GRHL1: variants seen among roughly 807,000 people sequenced by gnomAD.
GRHL1 encodes the protein grainyhead like transcription factor 1.
Under a neutral mutation model 75.7 loss-of-function variants are expected in GRHL1, and 38 were observed. The ratio of observed to expected loss-of-function variants is 0.50; its 90% CI spans 0.39 to 0.66. The LOEUF (loss-of-function observed/expected upper bound fraction) is 0.66, where lower values mean the gene tolerates loss of function less well. Among genes scored for constraint, GRHL1 ranks in the 30% least tolerant of loss-of-function variants. The pLI, the probability that GRHL1 is intolerant of heterozygous loss-of-function variation, is 0.00. For missense variants in GRHL1, 589 were observed against 767.5 expected (o/e 0.77, Z 2.75); for synonymous variants, 266 against 279.4 (o/e 0.95, Z 0.48).
rs1667462075 is a variant in GRHL1 at position 9,965,667 on chromosome 2, C to G, written c.1110+286C>G. 3 of 404,910 alleles carry G rather than the reference C, an allele frequency of 7.4e-6. No individual in the cohort carries two copies. In the East Asian group the frequency reaches 1.2e-4, roughly 17 times the overall value. 25.1% of individuals were successfully genotyped at this position (404,910 alleles called of 1,614,324 possible). A position where few individuals can be genotyped will look rare whatever the true frequency, so the allele number is the denominator to read the frequency against. ...ACTCCTCATTTGCTTTGCCTCATTT[C>G]CTCATTTGCACAGTGGAGGTGATAT... On this transcript the variant is annotated intron_variant, in intron 8 of 15. Transcript: ENST00000324907.
At chr2:9,979,204 A>G (rs1180094708) in intron 8 of GRHL1, among the ~76,000 whole-genome samples, 1 of 146,014 alleles carries the variant, frequency 6.8e-6, no homozygotes, top group East Asian at 2.0e-4. Flanking sequence ...GTTGCTTCAT[A>G]TTAGTCTTAA....
rs1227015836 is a variant in GRHL1 at position 9,979,151 on chromosome 2, C to CAAAAAAAAAAAAAAAAAAAAAAAAAA, written c.1111-6957_1111-6956insAAAAAAAAAAAAAAAAAAAAAAAAAA. 1.3e-3 allele frequency among the ~76,000 whole-genome samples: 79 copies of CAAAAAAAAAAAAAAAAAAAAAAAAAA among 60,330 alleles called. 2 individuals are homozygous for CAAAAAAAAAAAAAAAAAAAAAAAAAA. Among genetic ancestry groups the CAAAAAAAAAAAAAAAAAAAAAAAAAA allele is most frequent in the Admixed American group, 1.4e-3 (6 of 4,160 alleles). The allele number at this position is 60,330 out of a possible 152,430, so 39.6% of individuals were successfully genotyped here. ...TTCCAGCCTGGGCAAGACTCTCTCTCAAAAAAAAAAAAAAAAGGAAACCTT... is the reference window on the plus strand; with the variant it reads ...TTCCAGCCTGGGCAAGACTCTCTCTCAAAAAAAAAAAAAAAAAAAAAAAAAAAAAAAAAAAAAAAAAAGGAAACCTT... On this transcript the variant is annotated intron_variant, in intron 8 of 15. Transcript: ENST00000324907.
At position 10,001,893 on chromosome 2, in the gene GRHL1, A is replaced by C. The variant is rs894195618; in HGVS notation, c.*1186A>C. 2 of 152,616 alleles carry C rather than the reference A, an allele frequency of 1.3e-5. No individual in the cohort carries two copies. The highest frequency in any genetic ancestry group is 4.8e-5 in the African/African-American group (2 of 41,458). The allele number at this position is 152,616 out of a possible 1,614,324, so 9.5% of individuals were successfully genotyped here. A position where few individuals can be genotyped will look rare whatever the true frequency, so the allele number is the denominator to read the frequency against. ...CACGCATCAGAGCCTTCGTGCTTTGATTATCTTGTATGTTAACAATTCTAG... is the reference window on the plus strand; with the variant it reads ...CACGCATCAGAGCCTTCGTGCTTTGCTTATCTTGTATGTTAACAATTCTAG... On this transcript the variant is annotated 3_prime_UTR_variant, in exon 16 of 16. Transcript: ENST00000324907.
chr2:9,965,592 T>C (rs1667459678), intron 8 of GRHL1: 2 of 534,560 alleles, frequency 3.7e-6, no homozygotes, highest in South Asian at 2.8e-5. Flanking sequence ...GTGTGAAACA[T>C]TGAGATTAAG....
chr2:9,960,886 C>G (rs1667241091), intron 3 of GRHL1, 160 bp from the exon 4 acceptor site: 2 of 557,460 alleles, frequency 3.6e-6, no homozygotes, highest in South Asian at 3.0e-5. Flanking sequence ...AACCAGAAAG[C>G]CTTTTTCCCT....
Position 9,990,684 on chromosome 2 carries a change from C to T in GRHL1, c.1270-12C>T, listed in dbSNP as rs559756126. On this transcript the variant is annotated splice_polypyrimidine_tract_variant and intron_variant, in intron 9 of 15. Coordinates refer to ENST00000324907, the MANE Select transcript of GRHL1 (RefSeq NM_198182.3). This position sits in a 1 kb window ranked among gnomAD's most constrained non-coding sequence, Gnocchi z 4.2. Reference sequence around the variant, plus strand: ...AAAACAGAATCATATCTTGTCTTCTCTTAACCTACAGGGAGCTGAGCGGAA... The same window carrying T: ...AAAACAGAATCATATCTTGTCTTCTTTTAACCTACAGGGAGCTGAGCGGAA... 5 of 1,579,696 alleles carry T rather than the reference C, an allele frequency of 3.2e-6. No individual in the cohort carries two copies. Among genetic ancestry groups the T allele is most frequent in the Admixed American group, 3.5e-5 (2 of 57,750 alleles).
In GRHL1 at chr2:9,960,965, AGCC is replaced by A. The variant is rs559543551; in HGVS notation, c.279-80_279-78del. On this transcript the variant is annotated intron_variant, in intron 3 of 15. Coordinates refer to ENST00000324907, the MANE Select transcript of GRHL1 (RefSeq NM_198182.3). The stretch of plus-strand genomic sequence containing the variant: ...CAAGTGTTATTGCACAGGACCCAAC[AGCC>A]CAATGCCATTAGGAAAATAAAAATT... 470 of 1,062,066 alleles carry A rather than the reference AGCC, an allele frequency of 4.4e-4. No homozygotes were observed. In the East Asian group the frequency reaches 8.2e-3, roughly 19 times the overall value. 65.8% of individuals were successfully genotyped at this position (1,062,066 alleles called of 1,614,324 possible). A position where few individuals can be genotyped will look rare whatever the true frequency, so the allele number is the denominator to read the frequency against.
intron 8 of GRHL1, among the ~76,000 whole-genome samples, chr2:9,972,890 T>C (rs1165909870): frequency 6.6e-6 from 1 of 152,038 alleles, no homozygotes; most frequent in Non-Finnish European, 1.5e-5. Flanking sequence ...TCTGTCTGTC[T>C]TTTTATCTCT....
intron 2 of GRHL1, among the ~76,000 whole-genome samples, chr2:9,955,502 C>T (rs536380471): frequency 6.6e-6 from 1 of 152,140 alleles, no homozygotes; most frequent in East Asian, 1.9e-4. Flanking sequence ...TACTACAGAG[C>T]CTTTGAAATC....
Position 9,964,277 on chromosome 2 carries a change from G to T in GRHL1, c.946G>T (p.Asp316Tyr). The change falls in exon 7 of 16, where the codon GAT becomes TAT. Residue 316 changes from aspartate to tyrosine, a missense_variant. Physicochemically the swap from Asp to Tyr is radical, Grantham distance 160. Coordinates refer to ENST00000324907, the MANE Select transcript of GRHL1 (RefSeq NM_198182.3). ...VVFAEDKSREDQLRHWKYWHS... is the reference protein window; with the variant it reads ...VVFAEDKSREYQLRHWKYWHS... ...TTTTGCTGAAGACAAAAGCAGAGAA[G>T]ATCAGTTAAGGCATTGGAAGTACTG... is the stretch of plus-strand genomic sequence containing the variant. 2 of 1,613,018 alleles carry T rather than the reference G, an allele frequency of 1.2e-6. No individual in the cohort carries two copies. The highest frequency in any genetic ancestry group is 1.1e-5 in the South Asian group (1 of 91,026).
At chr2:9,969,701 T>A (rs1443371088) in intron 8 of GRHL1, among the ~76,000 whole-genome samples, 1 of 152,084 alleles carries the variant, frequency 6.6e-6, no homozygotes, top group African/African-American at 2.4e-5. Flanking sequence ...AAGGAGGGGA[T>A]GTCTGGGGGT....
Position 10,000,665 on chromosome 2 carries a change from A to T in GRHL1, c.1815A>T (p.Glu605Asp), listed in dbSNP as rs1296404904. 6.2e-7 allele frequency: 1 copy of T among 1,612,744 alleles called. No homozygotes were observed. Among genetic ancestry groups the T allele is most frequent in the Admixed American group, 1.7e-5 (1 of 60,018 alleles). ...SNEDTFQLQI[E>D]EAGGSYKLTL... is the part of the protein sequence containing the mutation. ...AGGACACCTTCCAGCTGCAGATTGA[A>T]GAAGCCGGGGGGTCTTACAAGCTCA... Residue 605 changes from glutamate to aspartate, a missense_variant, in exon 16 of 16, where the codon GAA becomes GAT. Glu to Asp is a conservative substitution (Grantham distance 45). Coordinates refer to ENST00000324907, the MANE Select transcript of GRHL1 (RefSeq NM_198182.3).
At chr2:9,979,266 C>T (rs1230638254) in intron 8 of GRHL1, among the ~76,000 whole-genome samples, 1 of 146,808 alleles carries the variant, frequency 6.8e-6, no homozygotes, top group Non-Finnish European at 1.5e-5. Context: ...GACAGGGTCT[C>T]ACTCTGTTGC....
In GRHL1 at chr2:9,955,074, G is replaced by T. The variant is rs773987653; in HGVS notation, c.180G>T (p.Ala60=). ...SINGDEDSAA[A]LGLLYDYYKV... ...ATGGAGATGAAGACAGCGCCGCTGC[G>T]CTGGGCCTGCTCTATGACTACTACA... The change falls in exon 2 of 16, where the codon GCG becomes GCT. Residue 60 remains alanine, a synonymous_variant. Coordinates refer to ENST00000324907, the MANE Select transcript of GRHL1 (RefSeq NM_198182.3). 2 of 1,613,390 alleles carry T rather than the reference G, an allele frequency of 1.2e-6. No individual in the cohort carries two copies. The highest frequency in any genetic ancestry group is 1.1e-5 in the South Asian group (1 of 91,024).
chr2:9,996,561 C>T (rs1259810619), intron 14 of GRHL1, among the ~76,000 whole-genome samples, 160 bp downstream of exon 14: 2 of 152,180 alleles, frequency 1.3e-5, no homozygotes, highest in East Asian at 3.8e-4. Context: ...TTTATCCTCA[C>T]CCAGGGGTCT....
intron 1 of GRHL1, chr2:9,952,907 A>G: frequency 2.3e-6 from 1 of 426,548 alleles, no homozygotes; most frequent in East Asian, 7.1e-5. Context: ...TATGTTGTAG[A>G]ATATGCAGTT....
chr2:9,991,131 C>T (rs1401208103), intron 10 of GRHL1, among the ~76,000 whole-genome samples: 1 of 152,116 alleles, frequency 6.6e-6, no homozygotes, highest in East Asian at 1.9e-4. Flanking sequence ...GATGTCTTAA[C>T]TCCAAGTAAG....
At chr2:9,993,724 T>C (rs1668740420) in intron 12 of GRHL1, among the ~76,000 whole-genome samples, 1 of 152,218 alleles carries the variant, frequency 6.6e-6, no homozygotes, top group Admixed American at 6.5e-5. Context: ...CCGTGTGTCC[T>C]AGCAGATGGC....
At chr2:9,956,185 C>A (rs527611691) in intron 2 of GRHL1, among the ~76,000 whole-genome samples, 23 of 152,276 alleles carry the variant, frequency 1.5e-4, no homozygotes, top group Admixed American at 9.8e-4. Flanking sequence ...TTCCTGAATA[C>A]CTTTACCCAG....
Sources: allele counts gnomAD v4.1 joint callset (sites outside exome capture counted in the v4.1 genomes callset), GRCh38; gene constraint gnomAD v4.1.1; non-coding constraint Gnocchi (gnomAD v3.1); transcripts MANE v1.5; gene names NCBI Gene and HGNC (gene_info 2026-07-23, HGNC 2026-07-21).